Variants in CAMK2D observed in about 807,000 individuals in gnomAD.
The protein encoded by CAMK2D is calcium/calmodulin dependent protein kinase II delta.
In CAMK2D, 37 loss-of-function variants were observed where a neutral mutation model predicts 84.0. The observed-to-expected ratio is 0.44, with a 90% CI of 0.34 to 0.58. The LOEUF is 0.58. Among genes scored for constraint, CAMK2D ranks in the 20% least tolerant of loss-of-function variants. The pLI is 0.02. For synonymous variants in CAMK2D, 202 were observed against 212.5 expected (o/e 0.95, Z 0.43); for missense variants, 448 against 652.5 (o/e 0.69, Z 3.41).
intron 3 of CAMK2D, among the ~76,000 whole-genome samples, chr4:113,643,522 C>T (rs527775229): frequency 5.9e-5 from 9 of 152,332 alleles, no homozygotes; most frequent in South Asian, 2.1e-4. Context: ...GAACAGGGTC[C>T]GGACTGTGTT....
At chr4:113,593,916 C>CTTT (rs138017483) in intron 4 of CAMK2D, among the ~76,000 whole-genome samples, 3 of 149,760 alleles carry the variant, frequency 2.0e-5, no homozygotes, top group East Asian at 3.9e-4. Context: ...CAGAGTTGTG[C>CTTT]TTTTTTTTTT....
intron 16 of CAMK2D, among the ~76,000 whole-genome samples, chr4:113,492,194 T>C (rs1474848905): frequency 6.6e-6 from 1 of 151,792 alleles, no homozygotes; most frequent in Admixed American, 6.6e-5. Context: ...CTTTTGAATG[T>C]GTTTGCTCTT....
intron 3 of CAMK2D, among the ~76,000 whole-genome samples, chr4:113,654,218 C>G (rs1440727303): frequency 6.6e-6 from 1 of 151,844 alleles, no homozygotes; most frequent in Non-Finnish European, 1.5e-5. Context: ...TAGGTAATTC[C>G]TAAGAGCTCT....
intron 1 of CAMK2D, among the ~76,000 whole-genome samples, chr4:113,760,788 A>T (rs1191030123): frequency 6.6e-6 from 1 of 152,118 alleles, no homozygotes; most frequent in Non-Finnish European, 1.5e-5. Flanking sequence ...GCTAGGGACC[A>T]TCAAAATGAG....
At position 113,736,222 on chromosome 4, in the gene CAMK2D, G is replaced by T. The variant is rs114921710; in HGVS notation, c.160+23098C>A. Among the ~76,000 whole-genome samples, 1,223 of 151,066 alleles carry T rather than the reference G, an allele frequency of 8.1e-3. 6 individuals carry two copies. Among genetic ancestry groups the T allele is most frequent in the African/African-American group, 0.028 (1,152 of 41,170 alleles). On this transcript the variant is annotated intron_variant, in intron 2 of 20. Coordinates refer to ENST00000511664, the MANE Select transcript of CAMK2D (RefSeq NM_001321571.2). ...GCCATCTTAAAATCAGATCTTCCAA[G>T]ACATCCAACTTACTCCAATCCAATT...
intron 2 of CAMK2D, among the ~76,000 whole-genome samples, chr4:113,692,721 T>C (rs1451835930): frequency 2.0e-5 from 3 of 152,138 alleles, no homozygotes; most frequent in South Asian, 2.1e-4. Context: ...CATATATACA[T>C]ACATATATTC....
At chr4:113,485,991 C>T (rs2154133213) in intron 16 of CAMK2D, among the ~76,000 whole-genome samples, 1 of 152,298 alleles carries the variant, frequency 6.6e-6, no homozygotes. Flanking sequence ...GGAGTTTTAT[C>T]TTTGAGGAGT....
chr4:113,662,881 G>A (rs908266515), intron 2 of CAMK2D, among the ~76,000 whole-genome samples: 1 of 152,118 alleles, frequency 6.6e-6, no homozygotes, highest in Non-Finnish European at 1.5e-5. Context: ...AAAACCACTC[G>A]TCTGTGCTAT....
intron 2 of CAMK2D, among the ~76,000 whole-genome samples, chr4:113,732,612 G>T (rs78862269): frequency 0.013 from 1,984 of 152,164 alleles, 14 homozygotes; most frequent in Non-Finnish European, 0.021. Context: ...TTTAATCAGC[G>T]TGCATGAATT....
intron 8 of CAMK2D, among the ~76,000 whole-genome samples, chr4:113,521,057 A>G (rs761948307): frequency 6.6e-6 from 1 of 152,192 alleles, no homozygotes; most frequent in Non-Finnish European, 1.5e-5. Context: ...TACTCTAATT[A>G]TATCATGCTT....
chr4:113,710,215 C>T (rs1280934355), intron 2 of CAMK2D, among the ~76,000 whole-genome samples: 1 of 152,014 alleles, frequency 6.6e-6, no homozygotes, highest in Non-Finnish European at 1.5e-5. Flanking sequence ...ATATTTATTT[C>T]CTAGAGTATA....
chr4:113,468,273 C>T (rs1045637755), intron 16 of CAMK2D, among the ~76,000 whole-genome samples: 1 of 152,182 alleles, frequency 6.6e-6, no homozygotes. Flanking sequence ...AACAAAGCAA[C>T]ACAAATTGCC....
rs1318461939 is a variant in CAMK2D, at chr4:113,465,545, C to A, written c.1195G>T (p.Asp399Tyr). 6.2e-7 allele frequency: 1 copy of A among 1,611,026 alleles called. No homozygotes were observed. The highest frequency in any genetic ancestry group is 1.3e-5 in the African/African-American group (1 of 74,800). Reference sequence around the variant, plus strand: ...GCTACTCACGTGTAGGCTTCAAAGTCCCCATTGTTGATAGCTTCGATCAGT... The same window carrying A: ...GCTACTCACGTGTAGGCTTCAAAGTACCCATTGTTGATAGCTTCGATCAGT... ...EQLIEAINNG[D>Y]FEAYTKICDP... is the part of the protein sequence containing the mutation. The change falls in exon 17 of 21, where the codon GAC becomes TAC. Residue 399 changes from aspartate (D) to tyrosine (Y), a missense_variant. By Grantham distance (160) the Asp-to-Tyr change is radical. Coordinates refer to ENST00000511664, the MANE Select transcript of CAMK2D (RefSeq NM_001321571.2).
chr4:113,462,298 GTC>G (rs1564402950), intron 17 of CAMK2D, among the ~76,000 whole-genome samples: 4,420 of 112,836 alleles, frequency 0.039, 112 homozygotes, highest in Admixed American at 0.069. Context: ...GTGTGTGTCT[GTC>G]TGTCTGTCTG....
chr4:113,553,266 C>T (rs1057026196), intron 4 of CAMK2D, among the ~76,000 whole-genome samples: 2 of 152,138 alleles, frequency 1.3e-5, no homozygotes, highest in Non-Finnish European at 2.9e-5. Flanking sequence ...GCAGGCCATC[C>T]ACTCCACAGC....
chr4:113,688,228 C>A (rs2099365674), intron 2 of CAMK2D, among the ~76,000 whole-genome samples: 1 of 152,130 alleles, frequency 6.6e-6, no homozygotes, highest in Admixed American at 6.5e-5. Flanking sequence ...TATGTATCTG[C>A]CAAACGTGTG....
chr4:113,686,252 G>GT (rs1485179347), intron 2 of CAMK2D, among the ~76,000 whole-genome samples: 2 of 152,128 alleles, frequency 1.3e-5, no homozygotes, highest in Admixed American at 6.6e-5. Context: ...TACATAGAAA[G>GT]TTGTCCTTTA....
intron 9 of CAMK2D, among the ~76,000 whole-genome samples, chr4:113,516,347 G>C (rs1048625305): frequency 1.3e-5 from 2 of 152,152 alleles, no homozygotes; most frequent in Non-Finnish European, 2.9e-5. Flanking sequence ...CAGGTCTTCT[G>C]ATAGCAAATG....
intron 3 of CAMK2D, among the ~76,000 whole-genome samples, chr4:113,633,983 A>G (rs2099100608): frequency 6.6e-6 from 1 of 152,210 alleles, no homozygotes; most frequent in Admixed American, 6.5e-5. Context: ...TGTTTTATTA[A>G]AAATATTTCT....
Sources: allele counts gnomAD v4.1 joint callset (sites outside exome capture counted in the v4.1 genomes callset), GRCh38; gene constraint gnomAD v4.1.1; transcripts MANE v1.5; gene names NCBI Gene and HGNC (gene_info 2026-07-23, HGNC 2026-07-21).